Variants in CSMD1 observed in about 807,000 individuals in gnomAD.
CSMD1 encodes CUB and sushi domain-containing protein 1.
CSMD1 carries 213 observed loss-of-function variants against 417.5 expected under a neutral mutation model. The ratio of observed to expected loss-of-function variants is 0.51; its 90% CI spans 0.46 to 0.57. The LOEUF is 0.57. CSMD1 is among the 20% of genes least tolerant of loss of function. The pLI is 0.00. For synonymous variants in CSMD1, 2,862 were observed against 1,736.8 expected, an observed-to-expected ratio of 1.65 and a Z score of -16.11; for missense variants, 6,923 against 4,529.7, an observed-to-expected ratio of 1.53 and a Z score of -15.17.
intron 1 of CSMD1, among the ~76,000 whole-genome samples, chr8:4,795,769 C>T (rs191096859): frequency 5.3e-5 from 8 of 152,078 alleles, no homozygotes; most frequent in African/African-American, 1.2e-4. Flanking sequence ...TACCTGTGCA[C>T]GCCTTCAGGT....
chr8:3,213,017 AG>A (rs1338654013), intron 30 of CSMD1, among the ~76,000 whole-genome samples: 1 of 151,620 alleles, frequency 6.6e-6, no homozygotes, highest in Non-Finnish European at 1.5e-5. Context: ...TTTAGTAGAA[AG>A]GGGGTTTCTC....
chr8:4,123,613 G>T (rs757980060), intron 3 of CSMD1, among the ~76,000 whole-genome samples: 20 of 152,138 alleles, frequency 1.3e-4, no homozygotes, highest in Non-Finnish European at 1.3e-4. Flanking sequence ...TTGAAAAAAA[G>T]TCATTTTTCC....
chr8:4,740,748 G>A (rs988649630), intron 1 of CSMD1, among the ~76,000 whole-genome samples: 3 of 152,034 alleles, frequency 2.0e-5, no homozygotes, highest in African/African-American at 7.2e-5. Flanking sequence ...GCAAGATCCT[G>A]TCTCAAAATA....
At chr8:2,992,781 T>C (rs995895568) in intron 54 of CSMD1, among the ~76,000 whole-genome samples, 2 of 151,960 alleles carry the variant, frequency 1.3e-5, no homozygotes, top group African/African-American at 4.8e-5. Context: ...CTTGCTCTGT[T>C]GCCCAGGCTG....
At chr8:4,199,264 A>G (rs1040684832) in intron 3 of CSMD1, among the ~76,000 whole-genome samples, 1 of 152,196 alleles carries the variant, frequency 6.6e-6, no homozygotes, top group African/African-American at 2.4e-5. Context: ...CTAAATTCAT[A>G]CATCTTCTGC....
In CSMD1 at chr8:3,788,128, T is replaced by G. The variant is rs562772703; in HGVS notation, c.819-34086A>C. ...TAGTTCTAAAATTTTCTTTAAAATA[T>G]TCTCAGGACTTGGAGATGAAATCAT... is the stretch of plus-strand genomic sequence containing the variant. On this transcript the variant is annotated intron_variant, in intron 5 of 69. Transcript: ENST00000635120. Among the ~76,000 whole-genome samples, 26 of 152,328 alleles carry G rather than the reference T, an allele frequency of 1.7e-4. 2 individuals carry two copies. The South Asian group carries it at 4.4e-3, about 25-fold the overall frequency.
At chr8:4,027,036 C>G (rs1217792780) in intron 4 of CSMD1, among the ~76,000 whole-genome samples, 3 of 152,180 alleles carry the variant, frequency 2.0e-5, no homozygotes, top group African/African-American at 7.2e-5. Flanking sequence ...TCAAGGAACA[C>G]AGAACTTGGA....
In CSMD1 at chr8:3,349,886, T is replaced by TAA. The variant is rs1273253750; in HGVS notation, c.3305-1726_3305-1725insTT. Among the ~76,000 whole-genome samples the TAA allele has an allele frequency of 1.3e-4, 13 of 99,350 alleles. No homozygotes were observed. The East Asian group carries it at 3.0e-3, about 23-fold the overall frequency. 65.2% of individuals were successfully genotyped at this position (99,350 alleles called of 152,430 possible). ...ATATAAATATATTTATATCTATATA[T>TAA]ATATTTATAATATATATTTATATAT... On this transcript the variant is annotated intron_variant, in intron 21 of 69. Coordinates refer to ENST00000635120, the MANE Select transcript of CSMD1 (RefSeq NM_033225.6).
intron 15 of CSMD1, among the ~76,000 whole-genome samples, chr8:3,403,294 T>C (rs562907445): frequency 1.3e-5 from 2 of 152,310 alleles, no homozygotes; most frequent in South Asian, 4.1e-4. Flanking sequence ...CACTGCTTCA[T>C]TGCTATTTTA....
intron 2 of CSMD1, among the ~76,000 whole-genome samples, chr8:4,446,913 G>T (rs976240504): frequency 2.0e-5 from 3 of 150,568 alleles, no homozygotes; most frequent in East Asian, 1.9e-4. Flanking sequence ...GAGCCATTGC[G>T]CCTGGCAGAG....
chr8:3,911,719 G>C (rs907435682), intron 5 of CSMD1, among the ~76,000 whole-genome samples: 24 of 152,118 alleles, frequency 1.6e-4, no homozygotes, highest in Admixed American at 1.3e-3. Flanking sequence ...TCAAACTCCA[G>C]AACTTCCTCC....
chr8:4,779,646 G>T (rs1409908596), intron 1 of CSMD1, among the ~76,000 whole-genome samples: 1 of 152,166 alleles, frequency 6.6e-6, no homozygotes, highest in Non-Finnish European at 1.5e-5. Context: ...TGGCAAGCTG[G>T]CTTTAGCATT....
intron 1 of CSMD1, among the ~76,000 whole-genome samples, chr8:4,720,685 G>A (rs943812077): frequency 6.6e-6 from 1 of 152,122 alleles, no homozygotes; most frequent in African/African-American, 2.4e-5. Flanking sequence ...GCTTCCCAAA[G>A]AGCTGGGATT....
At chr8:4,871,268 A>G (rs1245902118) in intron 1 of CSMD1, among the ~76,000 whole-genome samples, 3 of 152,150 alleles carry the variant, frequency 2.0e-5, no homozygotes, top group South Asian at 2.1e-4. Flanking sequence ...CCATTTTCTT[A>G]GGAAATTTTA....
chr8:4,434,141 C>T (rs1276135654), intron 2 of CSMD1, among the ~76,000 whole-genome samples: 2 of 152,154 alleles, frequency 1.3e-5, no homozygotes, highest in African/African-American at 4.8e-5. Flanking sequence ...AGTTTGAGAA[C>T]AGCTTGGCCA....
At chr8:3,993,292 T>C (rs544570720) in intron 5 of CSMD1, among the ~76,000 whole-genome samples, 1 of 152,180 alleles carries the variant, frequency 6.6e-6, no homozygotes, top group African/African-American at 2.4e-5. Flanking sequence ...TCCTTTAATT[T>C]TGGGGCACGT....
chr8:4,003,736 G>T (rs371606451), intron 4 of CSMD1, among the ~76,000 whole-genome samples: 1 of 152,132 alleles, frequency 6.6e-6, no homozygotes, highest in Non-Finnish European at 1.5e-5. Flanking sequence ...CAACACAGGC[G>T]AGTGACACTG....
chr8:4,719,818 T>C (rs1584994554), intron 1 of CSMD1, among the ~76,000 whole-genome samples: 1 of 152,200 alleles, frequency 6.6e-6, no homozygotes, highest in East Asian at 1.9e-4. Context: ...GCCTTTTACT[T>C]TCATAAATAA....
At chr8:3,831,516 T>G (rs753581597) in intron 5 of CSMD1, among the ~76,000 whole-genome samples, 1 of 151,948 alleles carries the variant, frequency 6.6e-6, no homozygotes, top group Non-Finnish European at 1.5e-5. Flanking sequence ...AAAAATTAAT[T>G]TTGGAGAACA....
Sources: allele counts gnomAD v4.1 joint callset (sites outside exome capture counted in the v4.1 genomes callset), GRCh38; gene constraint gnomAD v4.1.1; transcripts MANE v1.5; gene names NCBI Gene and HGNC (gene_info 2026-07-23, HGNC 2026-07-21).